The following CHDH variants were observed in gnomAD, a reference collection of about 807,000 sequenced individuals.
The protein encoded by CHDH is choline dehydrogenase.
In CHDH, 43 loss-of-function variants were observed where a neutral mutation model predicts 56.9. The observed-to-expected ratio is 0.76, with a 90% CI of 0.59 to 0.97. The LOEUF is 0.97. CHDH is among the 50% of genes least tolerant of loss of function. The pLI is 0.00. For missense variants in CHDH, 816 were observed against 821.1 expected (o/e 0.99, Z 0.08); for synonymous variants, 364 against 348.5 (o/e 1.04, Z -0.50).
At position 53,824,042 on chromosome 3, in the gene CHDH, AG is replaced by A; in HGVS notation, c.-35del. 7.1e-7 allele frequency: 1 copy of A among 1,417,094 alleles called. No homozygotes were observed. The highest frequency in any genetic ancestry group is 9.2e-7 in the Non-Finnish European group (1 of 1,091,646). The allele number at this position is 1,417,094 out of a possible 1,614,324, so 87.8% of individuals were successfully genotyped here. A position where few individuals can be genotyped will look rare whatever the true frequency, so the allele number is the denominator to read the frequency against. On this transcript the variant is annotated 5_prime_UTR_variant, in exon 3 of 9. Transcript: ENST00000315251. ...CTAGTCCAAGTCCTCTGATCCACGG[AG>A]GGGAATGAGATGACTCACTTCTCCC...
Position 53,823,349 on chromosome 3 carries a change from G to T in CHDH, c.660C>A (p.Phe220Leu). The T allele has an allele frequency of 6.3e-7, 1 of 1,598,640 alleles. No homozygotes were observed. Residue 220 changes from phenylalanine to leucine, a missense_variant, in exon 3 of 9, where the codon TTC becomes TTA. Coordinates refer to ENST00000315251, the MANE Select transcript of CHDH (RefSeq NM_018397.5). ...CCATCCAGCCGAAGCCCTCCTGCTGGAAGCCATTCATGTCCTCGGTGAGCG... is the reference window on the plus strand; with the variant it reads ...CCATCCAGCCGAAGCCCTCCTGCTGTAAGCCATTCATGTCCTCGGTGAGCG... ...GYPLTEDMNG[F>L]QQEGFGWMDM...
At chr3:53,843,932 T>A (rs890310116) in intron 1 of CHDH, among the ~76,000 whole-genome samples, 1 of 152,218 alleles carries the variant, frequency 6.6e-6, no homozygotes, top group Non-Finnish European at 1.5e-5. Context: ...CCAAATAAAT[T>A]GTGTGCCTTC....
intron 2 of CHDH, among the ~76,000 whole-genome samples, chr3:53,825,912 G>A (rs1394581838): frequency 6.6e-6 from 1 of 151,834 alleles, no homozygotes; most frequent in Non-Finnish European, 1.5e-5. Flanking sequence ...GAAGATAATG[G>A]AGTGACAACT....
In CHDH at chr3:53,812,448, T is replaced by C. The variant is rs1217456790; in HGVS notation, c.*5329A>G. On this transcript the variant is annotated 3_prime_UTR_variant, in exon 9 of 9. Transcript: ENST00000315251. ...AATATTTTGAGTCACTATAAACCTA[T>C]CATCTTTCCACAAGATATACCAGAT... 3 of 152,234 alleles carry C rather than the reference T, an allele frequency of 2.0e-5. No individual in the cohort carries two copies. Among genetic ancestry groups the C allele is most frequent in the African/African-American group, 4.8e-5 (2 of 41,462 alleles). The allele number at this position is 152,234 out of a possible 1,614,324, so 9.4% of individuals were successfully genotyped here. A position where few individuals can be genotyped will look rare whatever the true frequency, so the allele number is the denominator to read the frequency against.
chr3:53,826,043 T>C (rs939740844), intron 2 of CHDH, among the ~76,000 whole-genome samples: 15 of 152,072 alleles, frequency 9.9e-5, no homozygotes, highest in Non-Finnish European at 5.9e-5. Context: ...GACTAATTCC[T>C]TGAAAGATAC....
rs548747823 is a variant in CHDH at position 53,844,005 on chromosome 3, G to A, written c.-131+2078C>T. On this transcript the variant is annotated intron_variant, in intron 1 of 8. Coordinates refer to ENST00000315251, the MANE Select transcript of CHDH (RefSeq NM_018397.5). ...GAGGCATGGCCTTCTGAGCTAGGGGGGAAAACCCCCGAGGGGACAGGCAGA... is the reference window on the plus strand; with the variant it reads ...GAGGCATGGCCTTCTGAGCTAGGGGAGAAAACCCCCGAGGGGACAGGCAGA... 6.6e-5 allele frequency among the ~76,000 whole-genome samples: 10 copies of A among 152,318 alleles called. No individual in the cohort carries two copies. In the South Asian group the frequency reaches 1.7e-3, roughly 25 times the overall value.
chr3:53,820,336 A>G (rs900659192), intron 6 of CHDH, 138 bp downstream of exon 6: 3 of 1,052,434 alleles, frequency 2.9e-6, no homozygotes, highest in Admixed American at 5.5e-5. Flanking sequence ...GAAGATGGAA[A>G]AACTGAGGCT....
At chr3:53,829,719 G>A (rs1321621241) in intron 2 of CHDH, among the ~76,000 whole-genome samples, 2 of 152,200 alleles carry the variant, frequency 1.3e-5, no homozygotes, top group African/African-American at 4.8e-5. Flanking sequence ...GGAGGTTCAA[G>A]TCATGCAAAT....
chr3:53,830,041 C>T (rs980779361), intron 2 of CHDH, among the ~76,000 whole-genome samples: 1 of 152,082 alleles, frequency 6.6e-6, no homozygotes, highest in African/African-American at 2.4e-5. Flanking sequence ...AAAATATATA[C>T]AGGACCTATA....
chr3:53,826,265 C>T (rs1036960449), intron 2 of CHDH, among the ~76,000 whole-genome samples: 2 of 151,488 alleles, frequency 1.3e-5, no homozygotes, highest in Admixed American at 1.3e-4. Context: ...CTGACTCATT[C>T]TGTGAGGCTA....
chr3:53,822,739 G>C, intron 3 of CHDH, 97 bp from the exon 4 acceptor site: 1 of 1,416,472 alleles, frequency 7.1e-7, no homozygotes. Context: ...GATATGCCCA[G>C]CTCTGACTGC....
intron 2 of CHDH, among the ~76,000 whole-genome samples, chr3:53,836,328 G>A (rs560652140): frequency 7.2e-5 from 11 of 152,282 alleles, no homozygotes; most frequent in South Asian, 2.1e-4. Flanking sequence ...TCCTAAGCCC[G>A]ACCAGGCCAG....
intron 1 of CHDH, among the ~76,000 whole-genome samples, chr3:53,845,078 G>A (rs1402275128): frequency 1.3e-5 from 2 of 152,222 alleles, no homozygotes; most frequent in Non-Finnish European, 2.9e-5. Flanking sequence ...TGTTCTCAAG[G>A]GCCACAGGGC....
At chr3:53,837,437 A>G (rs1209143108) in intron 2 of CHDH, among the ~76,000 whole-genome samples, 1 of 152,262 alleles carries the variant, frequency 6.6e-6, no homozygotes, top group African/African-American at 2.4e-5. Context: ...CTGAGGCTAC[A>G]GGCTGCCAAC....
rs1178400213 is a variant in CHDH, at chr3:53,818,053, C to G, written c.1509G>C (p.Arg503=). The change falls in exon 9 of 9, where the codon CGG becomes CGC. Residue 503 remains arginine, a synonymous_variant. Coordinates refer to ENST00000315251, the MANE Select transcript of CHDH (RefSeq NM_018397.5). The part of the protein sequence containing the change: ...QSDKEIDAFV[R]AKADSAYHPS... Reference sequence around the variant, plus strand: ...GGTGGTAGGCGCTGTCGGCTTTTGCCCGCACAAAGGCATCTATCTCTTTAT... The same window carrying G: ...GGTGGTAGGCGCTGTCGGCTTTTGCGCGCACAAAGGCATCTATCTCTTTAT... The G allele has an allele frequency of 5.3e-5, 85 of 1,614,096 alleles. 1 individual carries two copies. Among genetic ancestry groups the G allele is most frequent in the Non-Finnish European group, 7.2e-5 (85 of 1,180,054 alleles).
chr3:53,828,975 G>T lies in CHDH; in HGVS notation c.-59-4908C>A, dbSNP rs1459665112. On this transcript the variant is annotated intron_variant, in intron 2 of 8. Transcript: ENST00000315251. ...ATTTATGGCAGTTTTATTCATAACT[G>T]CCCAAAGCTGGAAGGAACCAAGATA... Among the ~76,000 whole-genome samples the T allele has an allele frequency of 4.6e-5, 7 of 152,112 alleles. No individual in the cohort carries two copies. In the East Asian group the frequency reaches 1.3e-3, roughly 29 times the overall value.
Position 53,818,062 on chromosome 3 carries a change from G to C in CHDH, c.1500C>G (p.Ala500=). 1 of 1,614,172 alleles carries C rather than the reference G, an allele frequency of 6.2e-7. No individual in the cohort carries two copies. Residue 500 remains alanine, a synonymous_variant, in exon 9 of 9, where the codon GCC becomes GCG. Coordinates refer to ENST00000315251, the MANE Select transcript of CHDH (RefSeq NM_018397.5). ...CGCTGTCGGCTTTTGCCCGCACAAA[G>C]GCATCTATCTCTTTATCTGACTGAA... ...SHIQSDKEID[A]FVRAKADSAY...
chr3:53,821,520 G>C (rs992331994), intron 5 of CHDH, 127 bp downstream of exon 5: 1 of 830,290 alleles, frequency 1.2e-6, no homozygotes, highest in Non-Finnish European at 1.9e-6. Context: ...GGCTCTCGGG[G>C]ACAATGTGAT....
At chr3:53,844,060 T>C (rs377412427) in intron 1 of CHDH, among the ~76,000 whole-genome samples, 1 of 152,164 alleles carries the variant, frequency 6.6e-6, no homozygotes, top group East Asian at 1.9e-4. Flanking sequence ...CAACCTCCAG[T>C]TGTGGCTACA....
Sources: gnomAD v4.1 joint callset for allele counts (sites outside exome capture counted in the v4.1 genomes callset) on GRCh38, gnomAD v4.1.1 for gene constraint, MANE v1.5 for transcripts, NCBI Gene and HGNC (gene_info 2026-07-23, HGNC 2026-07-21) for gene names.